PRKAG3: variants seen among roughly 807,000 people sequenced by gnomAD.
PRKAG3 encodes protein kinase AMP-activated non-catalytic subunit gamma 3.
Under a neutral mutation model 56.5 loss-of-function variants are expected in PRKAG3, and 39 were observed. The observed-to-expected ratio is 0.69, with a 90% CI of 0.53 to 0.90. The LOEUF is 0.90. Among genes scored for constraint, PRKAG3 ranks in the 40% least tolerant of loss-of-function variants. The pLI is 0.00. For missense variants in PRKAG3, 628 were observed against 627.5 expected, an observed-to-expected ratio of 1.00 and a Z score of -0.01; for synonymous variants, 243 against 250.1, an observed-to-expected ratio of 0.97 and a Z score of 0.27.
At chr2:218,831,201 G>A (rs1944013976) in intron 2 of PRKAG3, 135 bp downstream of exon 2, 6 of 749,670 alleles carry the variant, frequency 8.0e-6, no homozygotes, top group Middle Eastern at 2.5e-4. Flanking sequence ...GGGGAAAGGA[G>A]GAAGAACAAT....
At chr2:218,829,056 C>T (rs913931438) in intron 4 of PRKAG3, among the ~76,000 whole-genome samples, 8 of 152,136 alleles carry the variant, frequency 5.3e-5, no homozygotes, top group Admixed American at 4.6e-4. Flanking sequence ...ACTATCTGCA[C>T]ATGCTGGTTA....
chr2:218,828,547 T>C (rs1373177342), exon 5 of PRKAG3: 3 of 1,613,730 alleles, frequency 1.9e-6, no homozygotes, highest in Non-Finnish European at 1.7e-6. Flanking sequence ...TGCTGTCCCA[T>C]AGAGGGGCTG....
rs78518485 is a variant in PRKAG3 at position 218,826,745 on chromosome 2, A to G, written c.1168+183T>C. 7,651 of 685,946 alleles carry G rather than the reference A, an allele frequency of 0.011. 432 individuals are homozygous for G. The African/African-American group carries it at 0.12, about 11-fold the overall frequency. The allele number at this position is 685,946 out of a possible 1,614,324, so 42.5% of individuals were successfully genotyped here. On this transcript the variant is annotated intron_variant, in intron 10 of 12. Coordinates refer to ENST00000529249, the Ensembl canonical transcript of PRKAG3. ...AGAATCCCATTTCACAAAGGAGGAA[A>G]CTGAGGCACAGAGAGGCTAAGCAAC...
chr2:218,823,041 G>A, downstream of PRKAG3: 1 of 980,018 alleles, frequency 1.0e-6, no homozygotes, highest in Non-Finnish European at 1.2e-6. Context: ...TGGGAGCACA[G>A]GTAGGGCAAG....
Position 218,829,992 on chromosome 2 carries a change from C to T in PRKAG3, c.619G>A (p.Asp207Asn), listed in dbSNP as rs768675439. Residue 207 changes from aspartate (D) to asparagine (N), a missense_variant, in exon 4 of 13, where the codon GAC becomes AAC. Asp to Asn is a conservative substitution (Grantham distance 23). Coordinates refer to ENST00000529249, the Ensembl canonical transcript of PRKAG3. Reference sequence around the variant, plus strand: ...CGTGGCCTCACCTCCAGCATGGTGTCGAAGATGACTAGCTTGGAGCTAGTT... The same window carrying T: ...CGTGGCCTCACCTCCAGCATGGTGTTGAAGATGACTAGCTTGGAGCTAGTT... The T allele has an allele frequency of 1.4e-5, 22 of 1,613,508 alleles. No individual in the cohort carries two copies. The highest frequency in any genetic ancestry group is 4.5e-5 in the East Asian group (2 of 44,868).
rs1311445100 is a variant in PRKAG3, at chr2:218,831,718, C to A, written c.33+20G>T. ...CTGGCCTCAGCTGCCCCGGCTCCGG[C>A]TCCCCTGGGACCCCCATACCCTGCG... On this transcript the variant is annotated intron_variant, in intron 1 of 12. Coordinates refer to ENST00000529249, the Ensembl canonical transcript of PRKAG3. The A allele has an allele frequency of 6.2e-7, 1 of 1,608,824 alleles. No homozygotes were observed.
In PRKAG3 at chr2:218,827,004, C is replaced by G; in HGVS notation, c.1092G>C (p.Glu364Asp). The G allele has an allele frequency of 6.2e-7, 1 of 1,614,102 alleles. No individual in the cohort carries two copies. Among genetic ancestry groups the G allele is most frequent in the Non-Finnish European group, 8.5e-7 (1 of 1,179,988 alleles). Reference sequence around the variant, plus strand: ...CCAGTGCAGTCAGGATGGGTGCTGTCTCCAGCACCACAGCCAAGTCTCGGA... The same window carrying G: ...CCAGTGCAGTCAGGATGGGTGCTGTGTCCAGCACCACAGCCAAGTCTCGGA... The change falls in exon 10 of 13, where the codon GAG becomes GAC. Residue 364 changes from glutamate to aspartate, a missense_variant. Transcript: ENST00000529249. This position sits in a 1 kb window ranked among gnomAD's most constrained non-coding sequence, Gnocchi z 5.3.
In PRKAG3 at chr2:218,824,295, CAT is replaced by C; in HGVS notation, c.1278_1279del (p.Cys427SerfsTer165). 6.2e-7 allele frequency: 1 copy of C among 1,614,180 alleles called. No individual in the cohort carries two copies. The highest frequency in any genetic ancestry group is 1.1e-5 in the South Asian group (1 of 91,078). ...CTGGCAGGAAAGGACTCCCTCCAGA[CAT>C]AGTGTCCTCTGCCTCAGGGCTTCTC... On this transcript the variant is annotated frameshift_variant, in exon 12 of 13. Transcript: ENST00000529249. LOFTEE classifies it high-confidence loss of function.
At chr2:218,825,087 A>T (rs1376922192) in intron 10 of PRKAG3, among the ~76,000 whole-genome samples, 1 of 152,172 alleles carries the variant, frequency 6.6e-6, no homozygotes. Flanking sequence ...TGAAAAATAC[A>T]TTCCCTTGGG....
intron 12 of PRKAG3, 90 bp downstream of exon 12, chr2:218,824,132 C>A (rs1244861113): frequency 1.3e-6 from 2 of 1,597,316 alleles, no homozygotes; most frequent in East Asian, 4.5e-5. Flanking sequence ...AAGGATAGGC[C>A]AGGTGCCCGA....
intron 2 of PRKAG3, 57 bp from the exon 3 acceptor site, chr2:218,830,958 C>T: frequency 6.4e-7 from 1 of 1,562,240 alleles, no homozygotes; most frequent in Non-Finnish European, 8.8e-7. Context: ...AAAATCAATT[C>T]AAATGTTATT....
chr2:218,825,605 A>G (rs138920766), intron 10 of PRKAG3, among the ~76,000 whole-genome samples: 5,208 of 151,776 alleles, frequency 0.034, 304 homozygotes, highest in African/African-American at 0.12. Context: ...CCGAGATGGC[A>G]CCACTGCACT....
At chr2:218,826,861 A>G (rs557745452) in intron 10 of PRKAG3, 67 bp downstream of exon 10, 2 of 1,592,280 alleles carry the variant, frequency 1.3e-6, no homozygotes, top group African/African-American at 2.7e-5. Flanking sequence ...TGCCCTTCCC[A>G]TATTCTCCCC....
At chr2:218,831,625 C>A (rs1456548454) in intron 1 of PRKAG3, 113 bp downstream of exon 1, 2 of 1,404,106 alleles carry the variant, frequency 1.4e-6, no homozygotes, top group African/African-American at 1.4e-5. Context: ...ACGAGAAAAT[C>A]CAGACCAAAC....
intron 5 of PRKAG3, 105 bp downstream of exon 5, chr2:218,828,414 C>T: frequency 2.4e-6 from 3 of 1,273,356 alleles, no homozygotes; most frequent in Non-Finnish European, 3.2e-6. Context: ...CTGGGCTTGG[C>T]CTGAAGCCAA....
intron 10 of PRKAG3, among the ~76,000 whole-genome samples, chr2:218,825,335 CAAAAAAAA>C (rs3078328): frequency 4.2e-5 from 3 of 71,090 alleles, no homozygotes; most frequent in Non-Finnish European, 1.0e-4. Flanking sequence ...GACTCTGTCT[CAAAAAAAA>C]AAAAAAAAAA....
At chr2:218,823,684 G>T in exon 13 of PRKAG3, 1 of 1,606,934 alleles carries the variant, frequency 6.2e-7, no homozygotes, top group Middle Eastern at 1.7e-4. Flanking sequence ...GGTGGGGGAA[G>T]ATGAAGGCTG....
chr2:218,828,135 C>A, intron 5 of PRKAG3, 73 bp from the exon 6 acceptor site: 1 of 1,325,372 alleles, frequency 7.5e-7, no homozygotes, highest in Non-Finnish European at 1.1e-6. Context: ...CAGATCCCCT[C>A]CCCACCCTGC....
chr2:218,827,108 G>A lies in PRKAG3; in HGVS notation c.1003-15C>T, dbSNP rs774307244. 2 of 1,612,910 alleles carry A rather than the reference G, an allele frequency of 1.2e-6. No homozygotes were observed. The highest frequency in any genetic ancestry group is 1.3e-5 in the African/African-American group (1 of 75,012). On this transcript the variant is annotated splice_polypyrimidine_tract_variant and intron_variant, in intron 9 of 12. Coordinates refer to ENST00000529249, the Ensembl canonical transcript of PRKAG3. This position sits in a 1 kb window ranked among gnomAD's most constrained non-coding sequence, Gnocchi z 5.3. The stretch of plus-strand genomic sequence containing the variant: ...AGCAGGGAACCCTGGTTAGGATGGG[G>A]ACCAGGTGGAGATCAGGGATCCAGC...
Sources: gnomAD v4.1 joint callset for allele counts (sites outside exome capture counted in the v4.1 genomes callset) on GRCh38, gnomAD v4.1.1 for gene constraint, Gnocchi (gnomAD v3.1) non-coding constraint, MANE v1.5 for transcripts, NCBI Gene and HGNC (gene_info 2026-07-23, HGNC 2026-07-21) for gene names.